Variants in THSD4 observed in about 807,000 individuals in gnomAD.
THSD4 encodes thrombospondin type-1 domain-containing protein 4.
In THSD4, 69 loss-of-function variants were observed where a neutral mutation model predicts 119.0. That is an observed-to-expected ratio of 0.58 (90% CI 0.48 to 0.71). The LOEUF is 0.71. THSD4 is among the 30% of genes least tolerant of loss of function. THSD4 has a pLI of 0.00. For synonymous variants in THSD4, 524 were observed against 540.4 expected (o/e 0.97, Z 0.42); for missense variants, 1,393 against 1,391.1 (o/e 1.00, Z -0.02).
At chr15:71,495,160 G>A (rs939839382) in intron 7 of THSD4, among the ~76,000 whole-genome samples, 3 of 152,188 alleles carry the variant, frequency 2.0e-5, no homozygotes, top group African/African-American at 7.2e-5. Context: ...AACAATTCAA[G>A]TTGACAACTG....
At chr15:71,174,460 A>G (rs1422635370) in intron 3 of THSD4, among the ~76,000 whole-genome samples, 1 of 141,544 alleles carries the variant, frequency 7.1e-6, no homozygotes, top group Non-Finnish European at 1.5e-5. Flanking sequence ...ACGAGACTAT[A>G]TCCCACACCT....
At chr15:71,524,763 A>ATTTTT (rs35666244) in intron 7 of THSD4, among the ~76,000 whole-genome samples, 2 of 116,106 alleles carry the variant, frequency 1.7e-5, no homozygotes, top group Non-Finnish European at 3.4e-5. Context: ...CGCCCGGCTA[A>ATTTTT]TTTTTTTTTT....
In THSD4 at chr15:71,433,696, C is replaced by A. The variant is rs150815792; in HGVS notation, c.1152+21873C>A. Among the ~76,000 whole-genome samples the A allele has an allele frequency of 4.4e-3, 673 of 152,210 alleles. 5 individuals carry two copies. The highest frequency in any genetic ancestry group is 0.02 in the Middle Eastern group (6 of 294). On this transcript the variant is annotated intron_variant, in intron 7 of 17. Transcript: ENST00000261862. Reference sequence around the variant, plus strand: ...ACAGAGCCCAGGACAAAGGAAACAGCTGTGAAGATGATGCCAGGAGGATCC... The same window carrying A: ...ACAGAGCCCAGGACAAAGGAAACAGATGTGAAGATGATGCCAGGAGGATCC...
intron 6 of THSD4, among the ~76,000 whole-genome samples, chr15:71,269,000 C>T (rs1023324566): frequency 1.3e-5 from 2 of 152,112 alleles, no homozygotes; most frequent in Non-Finnish European, 2.9e-5. Context: ...AAGCCCAGGA[C>T]CATACGGATT....
chr15:71,657,337 G>A (rs1233816064), intron 7 of THSD4, among the ~76,000 whole-genome samples: 1 of 151,922 alleles, frequency 6.6e-6, no homozygotes, highest in Non-Finnish European at 1.5e-5. Context: ...CTAGTCCAGA[G>A]GTCATTCCCC....
chr15:71,363,515 G>GTA (rs2140423483), intron 6 of THSD4, among the ~76,000 whole-genome samples: 1 of 152,312 alleles, frequency 6.6e-6, no homozygotes, highest in South Asian at 2.1e-4. Flanking sequence ...CTAGAATAGA[G>GTA]TAACCCAGGC....
chr15:71,180,476 G>T (rs1381402130), intron 3 of THSD4, among the ~76,000 whole-genome samples: 1 of 152,216 alleles, frequency 6.6e-6, no homozygotes, highest in African/African-American at 2.4e-5. Context: ...TGATGGATAT[G>T]TGCATTATCT....
chr15:71,757,507 T>C (rs922945468), intron 14 of THSD4, among the ~76,000 whole-genome samples: 1 of 348 alleles, frequency 2.9e-3, no homozygotes, highest in South Asian at 0.5. Context: ...CATAGCTCAG[T>C]GTAGCCTCAA....
At chr15:71,404,879 C>CT (rs1207862165) in intron 6 of THSD4, among the ~76,000 whole-genome samples, 1 of 137,474 alleles carries the variant, frequency 7.3e-6, no homozygotes, top group African/African-American at 2.6e-5. Context: ...CCTTTCTTTT[C>CT]TTTCTTTCTT....
At chr15:71,431,540 G>A (rs1010254244) in intron 7 of THSD4, among the ~76,000 whole-genome samples, 6 of 152,100 alleles carry the variant, frequency 3.9e-5, no homozygotes, top group Non-Finnish European at 8.8e-5. Flanking sequence ...TGATGCAATC[G>A]ACAAGGTGTT....
At chr15:71,244,979 C>G (rs1334907145) in intron 5 of THSD4, among the ~76,000 whole-genome samples, 3 of 152,160 alleles carry the variant, frequency 2.0e-5, no homozygotes, top group Non-Finnish European at 4.4e-5. Flanking sequence ...TTGTAAAGCC[C>G]GCCCCTTTTG....
intron 15 of THSD4, among the ~76,000 whole-genome samples, chr15:71,762,910 A>C (rs2053650072): frequency 6.6e-6 from 1 of 152,060 alleles, no homozygotes; most frequent in Non-Finnish European, 1.5e-5. Context: ...ATCTCTACTA[A>C]AAATACAAAA....
At chr15:71,220,388 A>G (rs1367467804) in intron 4 of THSD4, among the ~76,000 whole-genome samples, 3 of 152,088 alleles carry the variant, frequency 2.0e-5, no homozygotes, top group Non-Finnish European at 4.4e-5. Context: ...TATAAATCCT[A>G]CTCTAAAAGC....
At chr15:71,328,788 A>G (rs1016246544) in intron 6 of THSD4, among the ~76,000 whole-genome samples, 3 of 152,242 alleles carry the variant, frequency 2.0e-5, no homozygotes, top group African/African-American at 7.2e-5. Context: ...TTTACAAAAT[A>G]AAAAGTTATG....
chr15:71,422,836 A>G (rs886152702), intron 7 of THSD4, among the ~76,000 whole-genome samples: 1 of 152,150 alleles, frequency 6.6e-6, no homozygotes, highest in African/African-American at 2.4e-5. Flanking sequence ...CAGGGCCTGG[A>G]GTCAGAAACC....
intron 6 of THSD4, among the ~76,000 whole-genome samples, chr15:71,402,555 G>A (rs1390396707): frequency 6.6e-6 from 1 of 152,176 alleles, no homozygotes; most frequent in Non-Finnish European, 1.5e-5. Flanking sequence ...GTCACACCAA[G>A]GCCTCAGCTT....
intron 7 of THSD4, among the ~76,000 whole-genome samples, chr15:71,497,530 C>T (rs1258683125): frequency 6.7e-6 from 1 of 149,864 alleles, no homozygotes; most frequent in Non-Finnish European, 1.5e-5. Flanking sequence ...AAAAAAAAGG[C>T]ATATATGTGA....
chr15:71,321,273 A>ATCCCT (rs1567194768), intron 6 of THSD4, among the ~76,000 whole-genome samples: 1 of 142,634 alleles, frequency 7.0e-6, no homozygotes, highest in Non-Finnish European at 1.6e-5. Flanking sequence ...CGGTGGCTCA[A>ATCCCT]GCCTGTAATC....
chr15:71,507,970 C>A (rs527294350), intron 7 of THSD4, among the ~76,000 whole-genome samples: 6 of 151,850 alleles, frequency 4.0e-5, no homozygotes, highest in Admixed American at 1.3e-4. Flanking sequence ...GTCTTCACTA[C>A]CAAAAAATAA....
Sources: allele counts gnomAD v4.1 joint callset (sites outside exome capture counted in the v4.1 genomes callset), GRCh38; gene constraint gnomAD v4.1.1; transcripts MANE v1.5; gene names NCBI Gene and HGNC (gene_info 2026-07-23, HGNC 2026-07-21).